MALRD1: variants seen among roughly 807,000 people sequenced by gnomAD.
MALRD1 encodes MAM and LDL receptor class A domain containing 1, also known as MAM and LDL-receptor class A domain-containing protein 1.
MALRD1 carries 247 observed loss-of-function variants against 242.1 expected under a neutral mutation model. The observed-to-expected ratio is 1.02, with a 90% CI of 0.92 to 1.13. MALRD1 has a LOEUF of 1.13. Among genes scored for constraint, MALRD1 ranks in the 50% most tolerant of loss-of-function variants. The probability of loss-of-function intolerance (pLI) is 0.00; values close to 1 mark genes in which losing one functional copy is unlikely to be tolerated. For missense variants in MALRD1, 2,989 were observed against 2,533.1 expected (o/e 1.18, Z -3.86); for synonymous variants, 995 against 866.6 (o/e 1.15, Z -2.60).
In MALRD1 at chr10:19,237,628, T is replaced by TTATA. The variant is rs1253741696; in HGVS notation, c.2992-20055_2992-20052dup. Among the ~76,000 whole-genome samples the TTATA allele has an allele frequency of 6.7e-5, 4 of 59,548 alleles. No individual in the cohort carries two copies. In the Admixed American group the frequency reaches 1.1e-3, roughly 17 times the overall value. The allele number at this position is 59,548 out of a possible 152,430, so 39.1% of individuals were successfully genotyped here. On this transcript the variant is annotated intron_variant, in intron 18 of 39. Transcript: ENST00000454679. ...TAATTATAATTATATAATTATATAA[T>TTATA]TATAATTATATATAAATTATTATAA...
rs1835982247 is a variant in MALRD1 at position 19,095,238 on chromosome 10, A to G, written c.597+7053A>G. 2.0e-5 allele frequency among the ~76,000 whole-genome samples: 3 copies of G among 152,354 alleles called. No homozygotes were observed. The South Asian group carries it at 6.2e-4, about 32-fold the overall frequency. ...GGATATTCATTGTAAAAGTTGAATTATAAGATATAGGAATGGCATAGTTTC... is the reference window on the plus strand; with the variant it reads ...GGATATTCATTGTAAAAGTTGAATTGTAAGATATAGGAATGGCATAGTTTC... On this transcript the variant is annotated intron_variant, in intron 4 of 39. Transcript: ENST00000454679.
chr10:19,397,886 G>C (rs1379438616), intron 28 of MALRD1, among the ~76,000 whole-genome samples: 3 of 150,804 alleles, frequency 2.0e-5, no homozygotes, highest in Admixed American at 1.3e-4. Context: ...GTTTTGATTT[G>C]TATTTCCCTG....
At chr10:19,666,741 A>G (rs1339308181) in intron 36 of MALRD1, among the ~76,000 whole-genome samples, 9 of 152,224 alleles carry the variant, frequency 5.9e-5, no homozygotes, top group Non-Finnish European at 1.2e-4. Context: ...GCTGGTAGGT[A>G]GCTGGTAGCA....
chr10:19,498,146 A>G (rs1241578130), intron 30 of MALRD1, among the ~76,000 whole-genome samples: 1 of 152,236 alleles, frequency 6.6e-6, no homozygotes, highest in African/African-American at 2.4e-5. Flanking sequence ...TGAATTAAAC[A>G]TCCAGACAAC....
In MALRD1 at chr10:19,190,218, A is replaced by T. The variant is rs531208558; in HGVS notation, c.1952-13510A>T. On this transcript the variant is annotated intron_variant, in intron 14 of 39. Coordinates refer to ENST00000454679, the MANE Select transcript of MALRD1 (RefSeq NM_001142308.3). ...CAATTCTCTTGCAATAACAGAAAAA[A>T]GAATAAAAGTCTTTAGGAATTAATC... Among the ~76,000 whole-genome samples, 3 of 152,216 alleles carry T rather than the reference A, an allele frequency of 2.0e-5. No homozygotes were observed. In the East Asian group the frequency reaches 5.8e-4, roughly 29 times the overall value.
chr10:19,354,880 A>G (rs1001757567), intron 26 of MALRD1, among the ~76,000 whole-genome samples: 1 of 152,194 alleles, frequency 6.6e-6, no homozygotes, highest in African/African-American at 2.4e-5. Flanking sequence ...ATGTACAGCT[A>G]TTGTGTATCC....
intron 14 of MALRD1, among the ~76,000 whole-genome samples, chr10:19,189,405 A>G (rs1438540834): frequency 6.6e-6 from 1 of 152,036 alleles, no homozygotes; most frequent in Non-Finnish European, 1.5e-5. Flanking sequence ...ACTAACAACA[A>G]TCCTCTCAAA....
intron 5 of MALRD1, among the ~76,000 whole-genome samples, chr10:19,115,438 T>A (rs552890834): frequency 4.3e-4 from 65 of 151,996 alleles, no homozygotes; most frequent in Middle Eastern, 3.4e-3. Context: ...CTTTTTTTTT[T>A]AAAAGTAAAA....
intron 29 of MALRD1, among the ~76,000 whole-genome samples, chr10:19,458,930 T>G (rs1413517998): frequency 6.6e-6 from 1 of 152,034 alleles, no homozygotes; most frequent in Non-Finnish European, 1.5e-5. Context: ...ATATAGTATT[T>G]TTTAAGATTT....
At chr10:19,638,624 A>C (rs1284933031) in intron 36 of MALRD1, among the ~76,000 whole-genome samples, 1 of 152,188 alleles carries the variant, frequency 6.6e-6, no homozygotes, top group East Asian at 1.9e-4. Context: ...TGTTCTATTA[A>C]ACTGTCCAAA....
chr10:19,070,922 G>T (rs1485618616), intron 2 of MALRD1, among the ~76,000 whole-genome samples: 3 of 128,372 alleles, frequency 2.3e-5, no homozygotes, highest in Non-Finnish European at 4.7e-5. Context: ...TGTGATCTCA[G>T]CTCACTACAG....
chr10:19,499,617 CCTT>C (rs1407015877), intron 31 of MALRD1, among the ~76,000 whole-genome samples: 1 of 152,102 alleles, frequency 6.6e-6, no homozygotes, highest in Non-Finnish European at 1.5e-5. Flanking sequence ...TAATAAATCT[CCTT>C]CTGTATATAC....
intron 38 of MALRD1, among the ~76,000 whole-genome samples, chr10:19,724,492 C>T (rs540504767): frequency 2.6e-5 from 4 of 152,314 alleles, no homozygotes; most frequent in South Asian, 2.1e-4. Flanking sequence ...CTTCAGCATT[C>T]GGAGTGACAG....
chr10:19,082,439 T>C (rs72788908), intron 2 of MALRD1, among the ~76,000 whole-genome samples: 15,538 of 151,844 alleles, frequency 0.1, 820 homozygotes, highest in East Asian at 0.16. Context: ...AATATCTACC[T>C]GTTTATTGAT....
chr10:19,493,672 T>G (rs7088618), intron 30 of MALRD1, among the ~76,000 whole-genome samples: 91,609 of 149,732 alleles, frequency 0.61, 28,771 homozygotes, highest in African/African-American at 0.77. Context: ...AAATTAGCCG[T>G]TCCTGGTGGT....
chr10:19,252,212 T>C (rs1203765915), intron 18 of MALRD1, among the ~76,000 whole-genome samples: 1 of 151,974 alleles, frequency 6.6e-6, no homozygotes, highest in Non-Finnish European at 1.5e-5. Flanking sequence ...TGAGGAGCAA[T>C]GTCTTCTTGT....
Position 19,539,835 on chromosome 10 carries a change from C to T in MALRD1, c.5478+8484C>T, listed in dbSNP as rs1405083833. 4.7e-5 allele frequency among the ~76,000 whole-genome samples: 7 copies of T among 148,960 alleles called. No individual in the cohort carries two copies. In the East Asian group the frequency reaches 6.0e-4, roughly 13 times the overall value. On this transcript the variant is annotated intron_variant, in intron 32 of 39. Coordinates refer to ENST00000454679, the MANE Select transcript of MALRD1 (RefSeq NM_001142308.3). ...CCTAATAGCTGGGACTACCAGCATG[C>T]GCCACCACACCCAGCTTTGTGCGTG...
At chr10:19,376,539 ATTCTT>A (rs1450858871) in intron 26 of MALRD1, among the ~76,000 whole-genome samples, 1 of 98,866 alleles carries the variant, frequency 1.0e-5, no homozygotes, top group Non-Finnish European at 2.0e-5. Flanking sequence ...GAGTTGATAC[ATTCTT>A]TTTTTTTTTT....
intron 2 of MALRD1, among the ~76,000 whole-genome samples, chr10:19,077,914 C>T (rs561645633): frequency 2.0e-4 from 30 of 151,860 alleles, no homozygotes; most frequent in Non-Finnish European, 3.8e-4. Flanking sequence ...TTTTCTAAGT[C>T]GTGCATTGTT....
Sources: gnomAD v4.1 joint callset for allele counts (sites outside exome capture counted in the v4.1 genomes callset) on GRCh38, gnomAD v4.1.1 for gene constraint, MANE v1.5 for transcripts, NCBI Gene and HGNC (gene_info 2026-07-23, HGNC 2026-07-21) for gene names.